The following CNTN4 variants were observed in gnomAD, a reference collection of about 807,000 sequenced individuals.
CNTN4 encodes contactin-4.
CNTN4 carries 77 observed loss-of-function variants against 122.5 expected under a neutral mutation model. The ratio of observed to expected loss-of-function variants is 0.63; its 90% CI spans 0.52 to 0.76. The LOEUF (loss-of-function observed/expected upper bound fraction) is 0.76, where lower values mean the gene tolerates loss of function less well. Ranked by LOEUF, CNTN4 falls within the 30% of genes least tolerant of loss-of-function variation. CNTN4 has a pLI of 0.00. For synonymous variants in CNTN4, 512 were observed against 447.0 expected (o/e 1.15, Z -1.83); for missense variants, 1,256 against 1,259.1 (o/e 1.00, Z 0.04).
intron 4 of CNTN4, among the ~76,000 whole-genome samples, chr3:2,729,339 C>T (rs571845109): frequency 1.5e-4 from 22 of 151,476 alleles, no homozygotes; most frequent in South Asian, 4.2e-4. Flanking sequence ...CCAAGGCGGG[C>T]GGATCACGAG....
chr3:2,897,906 T>C (rs767807767), intron 10 of CNTN4, among the ~76,000 whole-genome samples: 3 of 152,292 alleles, frequency 2.0e-5, no homozygotes, highest in Non-Finnish European at 2.9e-5. Context: ...TATTAGGCGA[T>C]AAATACCCTG....
chr3:3,002,868 T>G (rs1696185863), intron 14 of CNTN4, among the ~76,000 whole-genome samples: 1 of 152,236 alleles, frequency 6.6e-6, no homozygotes, highest in African/African-American at 2.4e-5. Flanking sequence ...TTATTTTACA[T>G]GCATCAGGTT....
chr3:2,216,889 TG>T (rs1341095104), intron 2 of CNTN4, among the ~76,000 whole-genome samples: 2 of 152,182 alleles, frequency 1.3e-5, no homozygotes, highest in Non-Finnish European at 2.9e-5. Flanking sequence ...GCAGGTTTGA[TG>T]GAGCTGCAAT....
intron 2 of CNTN4, among the ~76,000 whole-genome samples, chr3:2,145,318 C>A (rs559690046): frequency 6.6e-6 from 1 of 152,226 alleles, no homozygotes; most frequent in African/African-American, 2.4e-5. Flanking sequence ...GTGATCTGAA[C>A]CCATTTAGGG....
At chr3:2,333,813 A>G (rs187237437) in intron 2 of CNTN4, among the ~76,000 whole-genome samples, 9 of 152,328 alleles carry the variant, frequency 5.9e-5, no homozygotes, top group African/African-American at 1.7e-4. Flanking sequence ...TATCAAGCAA[A>G]GCTAATGGAA....
chr3:2,720,063 T>C lies in CNTN4; in HGVS notation c.56-16152T>C, dbSNP rs536859926. Among the ~76,000 whole-genome samples the C allele has an allele frequency of 2.4e-4, 37 of 152,232 alleles. 1 individual carries two copies. The highest frequency in any genetic ancestry group is 8.4e-4 in the African/African-American group (35 of 41,552). ...CTATCTTCTAAGAGCTTGCAAGCAATAGACAAGTAAGTAAAGTATTATAAG... is the reference window on the plus strand; with the variant it reads ...CTATCTTCTAAGAGCTTGCAAGCAACAGACAAGTAAGTAAAGTATTATAAG... On this transcript the variant is annotated intron_variant, in intron 4 of 24. Coordinates refer to ENST00000418658, the MANE Select transcript of CNTN4 (RefSeq NM_175607.3).
At chr3:2,300,560 CTTTTTTTTTT>C (rs575192976) in intron 2 of CNTN4, among the ~76,000 whole-genome samples, 3 of 62,020 alleles carry the variant, frequency 4.8e-5, no homozygotes, top group East Asian at 4.7e-4. Context: ...CAGTGACCGT[CTTTTTTTTTT>C]TTTTTTTTTT....
chr3:2,617,073 G>A (rs62232690), intron 4 of CNTN4, among the ~76,000 whole-genome samples: 48,096 of 152,006 alleles, frequency 0.32, 8,298 homozygotes, highest in Middle Eastern at 0.48. Context: ...TTCAGGACAC[G>A]GGCACGGGCA....
intron 7 of CNTN4, among the ~76,000 whole-genome samples, chr3:2,831,303 A>C (rs541990426): frequency 1.3e-5 from 2 of 152,230 alleles, no homozygotes; most frequent in Non-Finnish European, 2.9e-5. Flanking sequence ...ATGGATAAAA[A>C]ACTTTTCAAA....
intron 3 of CNTN4, among the ~76,000 whole-genome samples, chr3:2,533,007 C>A (rs1215579509): frequency 6.6e-6 from 1 of 152,008 alleles, no homozygotes; most frequent in Non-Finnish European, 1.5e-5. Context: ...TTAGTCACCG[C>A]CCAAATCTCT....
chr3:2,406,804 G>C (rs1439389011), intron 3 of CNTN4, among the ~76,000 whole-genome samples: 2 of 152,112 alleles, frequency 1.3e-5, no homozygotes, highest in Non-Finnish European at 2.9e-5. Context: ...AGTGATATAA[G>C]TGTGGTTTTA....
intron 2 of CNTN4, among the ~76,000 whole-genome samples, chr3:2,305,885 A>T (rs1413423902): frequency 2.0e-5 from 3 of 152,168 alleles, no homozygotes; most frequent in Admixed American, 6.5e-5. Flanking sequence ...GAGTAACATT[A>T]TATGTAGAGT....
At position 2,309,484 on chromosome 3, in the gene CNTN4, G is replaced by C. The variant is rs566603792; in HGVS notation, c.-144-29694G>C. On this transcript the variant is annotated intron_variant, in intron 2 of 24. Transcript: ENST00000418658. ...TAATTACAAAGTAATATTGATGCCTGTGTTTCCTACTTGTTTTTTATATGA... is the reference window on the plus strand; with the variant it reads ...TAATTACAAAGTAATATTGATGCCTCTGTTTCCTACTTGTTTTTTATATGA... Among the ~76,000 whole-genome samples the C allele has an allele frequency of 2.6e-5, 4 of 152,228 alleles. No individual in the cohort carries two copies. The South Asian group carries it at 8.3e-4, about 32-fold the overall frequency.
chr3:2,110,476 T>A (rs1432146891), intron 2 of CNTN4: 1 of 152,222 alleles, frequency 6.6e-6, no homozygotes, highest in East Asian at 1.9e-4. Flanking sequence ...CCTGTGACAC[T>A]GGGGGATGCA....
chr3:2,669,550 A>T (rs1041401979), intron 4 of CNTN4, among the ~76,000 whole-genome samples: 4 of 151,776 alleles, frequency 2.6e-5, no homozygotes, highest in Non-Finnish European at 5.9e-5. Context: ...CACCTCCTGG[A>T]TTCATTGATT....
At chr3:2,920,093 C>T (rs1023779747) in intron 12 of CNTN4, among the ~76,000 whole-genome samples, 8 of 151,812 alleles carry the variant, frequency 5.3e-5, no homozygotes, top group Non-Finnish European at 1.0e-4. Context: ...GCCCGAAGTG[C>T]CGATATTGAA....
intron 4 of CNTN4, among the ~76,000 whole-genome samples, chr3:2,688,583 T>C (rs916119289): frequency 3.9e-5 from 6 of 152,212 alleles, no homozygotes; most frequent in Non-Finnish European, 7.3e-5. Context: ...ACAAGGCCCG[T>C]AACTTGAGCC....
chr3:2,961,706 CA>C (rs2094861635), intron 13 of CNTN4, among the ~76,000 whole-genome samples: 1 of 152,026 alleles, frequency 6.6e-6, no homozygotes, highest in East Asian at 1.9e-4. Context: ...GCTAGGGAAA[CA>C]AAGGCTATTA....
At chr3:2,351,082 C>T (rs550403515) in intron 3 of CNTN4, among the ~76,000 whole-genome samples, 3 of 152,236 alleles carry the variant, frequency 2.0e-5, no homozygotes, top group African/African-American at 4.8e-5. Flanking sequence ...TTGCTTCAAC[C>T]GTATTGACTG....
Sources: allele counts gnomAD v4.1 joint callset (sites outside exome capture counted in the v4.1 genomes callset), GRCh38; gene constraint gnomAD v4.1.1; transcripts MANE v1.5; gene names NCBI Gene and HGNC (gene_info 2026-07-23, HGNC 2026-07-21).